CCDC192: variants seen among roughly 807,000 people sequenced by gnomAD.
CCDC192 encodes the protein coiled-coil domain containing 192, also known as coiled-coil domain-containing protein 192.
intron 5 of CCDC192, 143 bp from the exon 6 acceptor site, chr5:127,875,395 A>G (rs1168302629): frequency 5.2e-6 from 2 of 383,496 alleles, no homozygotes; most frequent in Non-Finnish European, 9.2e-6. Flanking sequence ...CAAACCTCAA[A>G]CAGGACTCAA....
chr5:127,936,970 A>G (rs1266982057), intron 6 of CCDC192, among the ~76,000 whole-genome samples: 1 of 152,194 alleles, frequency 6.6e-6, no homozygotes, highest in African/African-American at 2.4e-5. Context: ...TTAGTGGTAG[A>G]TTCTAGAAAA....
intron 6 of CCDC192, among the ~76,000 whole-genome samples, chr5:127,905,074 C>T (rs558782268): frequency 3.1e-4 from 47 of 151,914 alleles, no homozygotes; most frequent in African/African-American, 1.1e-3. Flanking sequence ...TGAAAAGGAG[C>T]TGCCTGGAGG....
intron 6 of CCDC192, among the ~76,000 whole-genome samples, chr5:127,928,252 C>G (rs1753920110): frequency 1.3e-5 from 2 of 152,134 alleles, no homozygotes; most frequent in South Asian, 4.1e-4. Context: ...AGATGGAGGT[C>G]AAAAGTCCAA....
chr5:127,709,478 T>C (rs149331362), intron 2 of CCDC192, among the ~76,000 whole-genome samples: 453 of 152,296 alleles, frequency 3.0e-3, no homozygotes, highest in African/African-American at 0.011. Context: ...TAATTGATTC[T>C]TTTGTGAGTG....
chr5:127,929,483 T>C (rs1753958254), intron 6 of CCDC192, among the ~76,000 whole-genome samples: 1 of 152,204 alleles, frequency 6.6e-6, no homozygotes, highest in Non-Finnish European at 1.5e-5. Flanking sequence ...TCAGTCAAAA[T>C]TTGGTACAAT....
At chr5:127,826,242 A>AGTGAGATACCAT (rs1749526754) in intron 5 of CCDC192, among the ~76,000 whole-genome samples, 1 of 152,216 alleles carries the variant, frequency 6.6e-6, no homozygotes, top group Admixed American at 6.5e-5. Context: ...ATACCATCTC[A>AGTGAGATACCAT]CACGAGTCAG....
intron 5 of CCDC192, among the ~76,000 whole-genome samples, chr5:127,853,637 G>C (rs113226382): frequency 0.015 from 2,237 of 152,226 alleles, 45 homozygotes; most frequent in African/African-American, 0.052. Context: ...TCCGGGCGTG[G>C]TGATGGGCAC....
chr5:127,897,264 A>G (rs1752920165), intron 6 of CCDC192, among the ~76,000 whole-genome samples: 1 of 152,168 alleles, frequency 6.6e-6, no homozygotes, highest in Non-Finnish European at 1.5e-5. Context: ...GAAAATTTCT[A>G]TATTCAGCCC....
intron 5 of CCDC192, among the ~76,000 whole-genome samples, chr5:127,854,005 C>T (rs141224160): frequency 6.6e-6 from 1 of 152,302 alleles, no homozygotes; most frequent in African/African-American, 2.4e-5. Flanking sequence ...GCACCTTCAT[C>T]ATGAAACCAT....
chr5:127,878,968 A>G (rs1421428107), intron 6 of CCDC192, among the ~76,000 whole-genome samples: 1 of 148,604 alleles, frequency 6.7e-6, no homozygotes, highest in Non-Finnish European at 1.5e-5. Flanking sequence ...CTTTGAAGCA[A>G]TTGTGAATGG....
intron 3 of CCDC192, among the ~76,000 whole-genome samples, chr5:127,793,015 T>C (rs1561491463): frequency 1.3e-5 from 2 of 152,120 alleles, no homozygotes; most frequent in African/African-American, 2.4e-5. Context: ...ACAGCATAGA[T>C]TGGGTGGCTA....
chr5:127,791,567 G>A (rs1756868495), intron 3 of CCDC192, among the ~76,000 whole-genome samples: 1 of 152,092 alleles, frequency 6.6e-6, no homozygotes, highest in Admixed American at 6.5e-5. Context: ...GAAAGATACT[G>A]GAATACAAGG....
intron 5 of CCDC192, among the ~76,000 whole-genome samples, chr5:127,830,448 C>T (rs74963448): frequency 0.012 from 1,865 of 152,264 alleles, 27 homozygotes; most frequent in Middle Eastern, 0.031. Flanking sequence ...GAGCTTTGGC[C>T]TCTCTCCTTG....
intron 5 of CCDC192, among the ~76,000 whole-genome samples, chr5:127,802,813 T>G (rs1757576140): frequency 6.6e-6 from 1 of 152,210 alleles, no homozygotes; most frequent in African/African-American, 2.4e-5. Context: ...AGTGGCTAAA[T>G]TAAAAATAAA....
intron 2 of CCDC192, among the ~76,000 whole-genome samples, chr5:127,708,194 A>G (rs1246549149): frequency 6.6e-6 from 1 of 152,214 alleles, no homozygotes; most frequent in Non-Finnish European, 1.5e-5. Context: ...ATCACAGTCT[A>G]TTCCAGATAC....
chr5:127,750,428 G>A (rs1293112882), intron 2 of CCDC192, among the ~76,000 whole-genome samples: 1 of 152,128 alleles, frequency 6.6e-6, no homozygotes, highest in African/African-American at 2.4e-5. Context: ...GGGGTTTTGA[G>A]TGAGATTCTT....
intron 6 of CCDC192, among the ~76,000 whole-genome samples, chr5:127,892,485 A>G (rs115637114): frequency 9.2e-5 from 14 of 152,208 alleles, no homozygotes; most frequent in Non-Finnish European, 1.8e-4. Flanking sequence ...TGTGGATTCA[A>G]AATGCCTTTA....
intron 5 of CCDC192, among the ~76,000 whole-genome samples, chr5:127,869,923 C>T (rs1478796575): frequency 6.6e-6 from 1 of 152,126 alleles, no homozygotes; most frequent in Non-Finnish European, 1.5e-5. Context: ...CTTTGATTTC[C>T]AAGATCTGAC....
intron 5 of CCDC192, among the ~76,000 whole-genome samples, chr5:127,816,548 C>G (rs1325958015): frequency 6.6e-6 from 1 of 152,166 alleles, no homozygotes; most frequent in African/African-American, 2.4e-5. Flanking sequence ...AAACAATGGT[C>G]AAATCACACC....
Sources: allele counts gnomAD v4.1 joint callset (sites outside exome capture counted in the v4.1 genomes callset), GRCh38; gene constraint gnomAD v4.1.1; transcripts MANE v1.5; gene names NCBI Gene and HGNC (gene_info 2026-07-23, HGNC 2026-07-21).